TRERF1: variants seen among roughly 807,000 people sequenced by gnomAD.
TRERF1 encodes transcriptional regulating factor 1, also known as transcriptional-regulating factor 1.
A neutral mutation model predicts 122.9 loss-of-function variants in TRERF1; 27 were observed. The ratio of observed to expected loss-of-function variants is 0.22; its 90% CI spans 0.16 to 0.30. TRERF1 has a LOEUF of 0.30. Ranked by LOEUF, TRERF1 falls within the 10% of genes least tolerant of loss-of-function variation. TRERF1 has a pLI of 1.00. For synonymous variants in TRERF1, 636 were observed against 641.7 expected, an observed-to-expected ratio of 0.99 and a Z score of 0.13; for missense variants, 1,248 against 1,560.3, an observed-to-expected ratio of 0.80 and a Z score of 3.37.
At chr6:42,425,043 A>C (rs1355924177) in intron 2 of TRERF1, among the ~76,000 whole-genome samples, 2 of 151,892 alleles carry the variant, frequency 1.3e-5, no homozygotes, top group African/African-American at 4.8e-5. Context: ...CGGGCTCGTG[A>C]CTCAGGGTCT....
chr6:42,361,096 G>C (rs1244386187), intron 3 of TRERF1, among the ~76,000 whole-genome samples: 1 of 152,192 alleles, frequency 6.6e-6, no homozygotes, highest in Non-Finnish European at 1.5e-5. Context: ...GCCTTTGGGA[G>C]GTGATCAGGT....
intron 3 of TRERF1, among the ~76,000 whole-genome samples, chr6:42,356,866 C>T (rs1770654308): frequency 6.6e-6 from 1 of 152,092 alleles, no homozygotes; most frequent in Non-Finnish European, 1.5e-5. Context: ...GCCATTGCGC[C>T]CGGCCCATAA....
chr6:42,290,222 C>T lies in TRERF1; in HGVS notation c.-259+10416G>A, dbSNP rs149113175. 2.8e-3 allele frequency among the ~76,000 whole-genome samples: 420 copies of T among 152,332 alleles called. 2 individuals are homozygous for T. Among genetic ancestry groups the T allele is most frequent in the African/African-American group, 9.7e-3 (402 of 41,566 alleles). On this transcript the variant is annotated intron_variant, in intron 4 of 17. Transcript: ENST00000372922. ...TGTTTCTTTTGTCTCCTCCATCAAA[C>T]TAGGACTGCTTCTAAGGAGTGCCTC...
intron 13 of TRERF1, among the ~76,000 whole-genome samples, chr6:42,253,836 T>C (rs1582582494): frequency 6.6e-6 from 1 of 152,186 alleles, no homozygotes; most frequent in African/African-American, 2.4e-5. Context: ...GGACTAAAGA[T>C]TGGAAAACGT....
At chr6:42,258,512 C>G (rs985294224) in intron 9 of TRERF1, among the ~76,000 whole-genome samples, 1 of 152,240 alleles carries the variant, frequency 6.6e-6, no homozygotes, top group Non-Finnish European at 1.5e-5. Context: ...TTTTATAAAG[C>G]ATGCTAAAAT....
intron 3 of TRERF1, among the ~76,000 whole-genome samples, chr6:42,308,123 C>T (rs1023410100): frequency 5.3e-5 from 8 of 152,156 alleles, no homozygotes; most frequent in African/African-American, 1.2e-4. Context: ...TAGGTATATA[C>T]CCCACATCAC....
rs112102394 is a variant in TRERF1, at chr6:42,305,922, T to C, written c.-370-5173A>G. 5.8e-3 allele frequency among the ~76,000 whole-genome samples: 874 copies of C among 151,144 alleles called. 6 individuals are homozygous for C. The highest frequency in any genetic ancestry group is 0.019 in the African/African-American group (802 of 41,174). On this transcript the variant is annotated intron_variant, in intron 3 of 17. Transcript: ENST00000372922. ...TCTATGTGGAGATGCCAGAAGGAGA[T>C]GTAATTTTCAAGTGAGGCCCAGAAA... is the stretch of plus-strand genomic sequence containing the variant.
intron 3 of TRERF1, among the ~76,000 whole-genome samples, chr6:42,305,469 T>C (rs1300696729): frequency 1.3e-5 from 2 of 151,770 alleles, no homozygotes; most frequent in African/African-American, 4.8e-5. Context: ...AGATTAGGAG[T>C]CTTAGGGAAG....
chr6:42,330,975 G>GT (rs1562003214), intron 3 of TRERF1, among the ~76,000 whole-genome samples: 1 of 152,116 alleles, frequency 6.6e-6, no homozygotes, highest in African/African-American at 2.4e-5. Context: ...CACTGCACCC[G>GT]ACCAGATGTT....
chr6:42,355,181 A>G (rs1770266012), intron 3 of TRERF1, among the ~76,000 whole-genome samples: 2 of 152,238 alleles, frequency 1.3e-5, no homozygotes, highest in African/African-American at 4.8e-5. Context: ...CAGTAAGTAT[A>G]TAGCGGCAGT....
At chr6:42,386,950 T>C (rs1185580292) in intron 2 of TRERF1, among the ~76,000 whole-genome samples, 1 of 152,142 alleles carries the variant, frequency 6.6e-6, no homozygotes, top group Non-Finnish European at 1.5e-5. Flanking sequence ...CCTTCACCTA[T>C]CACTTGCCAG....
intron 2 of TRERF1, among the ~76,000 whole-genome samples, chr6:42,434,314 G>A (rs1784919830): frequency 6.6e-6 from 1 of 151,608 alleles, no homozygotes; most frequent in Admixed American, 6.6e-5. Context: ...ATTTACAGAT[G>A]CACTCCAAAC....
intron 2 of TRERF1, among the ~76,000 whole-genome samples, chr6:42,396,014 G>GT (rs1395943204): frequency 6.6e-6 from 1 of 152,118 alleles, no homozygotes; most frequent in African/African-American, 2.4e-5. Flanking sequence ...ATGCACACGT[G>GT]TATGTGTGCA....
chr6:42,378,400 A>C (rs171849), intron 2 of TRERF1, among the ~76,000 whole-genome samples: 9,966 of 151,924 alleles, frequency 0.066, 1,063 homozygotes, highest in African/African-American at 0.23. Flanking sequence ...AAAAAAAAAA[A>C]CCCACATTTA....
intron 2 of TRERF1, among the ~76,000 whole-genome samples, chr6:42,379,591 C>T (rs746914007): frequency 4.6e-5 from 7 of 152,104 alleles, no homozygotes; most frequent in African/African-American, 7.2e-5. Flanking sequence ...AGTGCAGTGG[C>T]GCAATCACAG....
In TRERF1 at chr6:42,268,641, C is replaced by G. The variant is rs139041282; in HGVS notation, c.950G>C (p.Arg317Pro). Residue 317 changes from arginine (R) to proline (P), a missense_variant, in exon 5 of 18, where the codon CGG becomes CCG. Transcript: ENST00000372922. This position sits in a 1 kb window ranked among gnomAD's most constrained non-coding sequence, Gnocchi z 4.4. ...CTGAGGTATCTGCATTGAACCCTGC[C>G]GCTGCTGCAGCTGTAGCTGCTGCGG... The G allele has an allele frequency of 6.2e-7, 1 of 1,614,122 alleles. No homozygotes were observed. The highest frequency in any genetic ancestry group is 8.5e-7 in the Non-Finnish European group (1 of 1,180,002).
exon 11 of TRERF1, chr6:42,257,031 T>A: frequency 2.5e-6 from 4 of 1,614,206 alleles, no homozygotes; most frequent in Non-Finnish European, 3.4e-6. Context: ...CTTGTGTGTG[T>A]CCTGGGCCAG....
At chr6:42,404,304 C>T (rs1779862896) in intron 2 of TRERF1, among the ~76,000 whole-genome samples, 2 of 152,148 alleles carry the variant, frequency 1.3e-5, no homozygotes, top group Non-Finnish European at 2.9e-5. Context: ...CAGTAACATG[C>T]TAAAAGCTGG....
chr6:42,266,850 A>G (rs1779288509), intron 5 of TRERF1, among the ~76,000 whole-genome samples: 1 of 151,940 alleles, frequency 6.6e-6, no homozygotes, highest in Non-Finnish European at 1.5e-5. Context: ...TTTTTTAAAA[A>G]CCCTTAATGA....
Sources: gnomAD v4.1 joint callset for allele counts (sites outside exome capture counted in the v4.1 genomes callset) on GRCh38, gnomAD v4.1.1 for gene constraint, Gnocchi (gnomAD v3.1) non-coding constraint, MANE v1.5 for transcripts, NCBI Gene and HGNC (gene_info 2026-07-23, HGNC 2026-07-21) for gene names.